The following WASHC3 variants were observed in gnomAD, a reference collection of about 807,000 sequenced individuals.
WASHC3 encodes WASH complex subunit 3, also known as WASH complex subunit CCDC53.
In WASHC3, 24 loss-of-function variants were observed where a neutral mutation model predicts 26.1. The observed-to-expected ratio is 0.92, with a 90% CI of 0.66 to 1.29. The LOEUF is 1.29. WASHC3 is among the 50% of genes most tolerant of loss of function. The pLI, the probability that WASHC3 is intolerant of heterozygous loss-of-function variation, is 0.00. For synonymous variants in WASHC3, 77 were observed against 75.7 expected (o/e 1.02, Z -0.09); for missense variants, 214 against 229.6 (o/e 0.93, Z 0.44).
intron 2 of WASHC3, chr12:102,050,668 T>A (rs1264509166): frequency 1.4e-5 from 6 of 428,822 alleles, no homozygotes; most frequent in South Asian, 3.4e-5. Flanking sequence ...GAAAAAAAAA[T>A]TATTAAACAA....
intron 6 of WASHC3, among the ~76,000 whole-genome samples, chr12:102,024,584 G>GA (rs1877095562): frequency 6.6e-6 from 1 of 152,196 alleles, no homozygotes; most frequent in African/African-American, 2.4e-5. Flanking sequence ...GACAGGGGAT[G>GA]AAATGAAGCC....
intron 1 of WASHC3, among the ~76,000 whole-genome samples, chr12:102,061,575 A>G (rs1878812119): frequency 6.6e-6 from 1 of 152,230 alleles, no homozygotes; most frequent in Admixed American, 6.5e-5. Flanking sequence ...GAATTTTGGC[A>G]GGCAAAAAGC....
intron 2 of WASHC3, among the ~76,000 whole-genome samples, chr12:102,049,738 G>A (rs2136681454): frequency 6.6e-6 from 1 of 152,246 alleles, no homozygotes; most frequent in South Asian, 2.1e-4. Context: ...TGTTGCGTGT[G>A]CCCCAGAAGC....
chr12:102,048,212 A>T (rs2136678913), intron 2 of WASHC3: 1 of 152,290 alleles, frequency 6.6e-6, no homozygotes, highest in South Asian at 2.1e-4. Context: ...GGATGAGAGA[A>T]AAAATTCTAC....
chr12:102,061,962 TCTC>T lies in WASHC3; in HGVS notation c.-3_-1del, dbSNP rs1349523491. On this transcript the variant is annotated 5_prime_UTR_variant, in exon 1 of 7. Coordinates refer to ENST00000240079, the MANE Select transcript of WASHC3 (RefSeq NM_016053.4). ...ATGAGAGGAAGCCCGTCCTCATCCA[TCTC>T]CTCAGCGGGCGGTGGACCCCGAGTT... 4 of 1,596,054 alleles carry T rather than the reference TCTC, an allele frequency of 2.5e-6. No individual in the cohort carries two copies. The highest frequency in any genetic ancestry group is 3.4e-6 in the Non-Finnish European group (4 of 1,170,380).
At chr12:102,020,467 G>T (rs1876905912) in intron 6 of WASHC3, among the ~76,000 whole-genome samples, 1 of 152,070 alleles carries the variant, frequency 6.6e-6, no homozygotes, top group African/African-American at 2.4e-5. Flanking sequence ...ATTATTGTTG[G>T]TTTAATTTGT....
chr12:102,047,419 G>C (rs922297398), intron 2 of WASHC3, among the ~76,000 whole-genome samples: 1 of 152,090 alleles, frequency 6.6e-6, no homozygotes, highest in Non-Finnish European at 1.5e-5. Flanking sequence ...TATCGACAAA[G>C]ACATAATCTA....
At chr12:102,057,644 A>G (rs1293175098) in intron 2 of WASHC3, among the ~76,000 whole-genome samples, 1 of 152,096 alleles carries the variant, frequency 6.6e-6, no homozygotes, top group East Asian at 1.9e-4. Flanking sequence ...CTGAAAAAAA[A>G]GAAAAAAAAT....
intron 5 of WASHC3, among the ~76,000 whole-genome samples, chr12:102,039,495 A>C (rs541870058): frequency 6.6e-6 from 1 of 152,250 alleles, no homozygotes; most frequent in East Asian, 1.9e-4. Context: ...ATAAACATAA[A>C]AATTTTTAAA....
At chr12:102,027,654 T>C (rs1477091537) in intron 5 of WASHC3, among the ~76,000 whole-genome samples, 1 of 152,124 alleles carries the variant, frequency 6.6e-6, no homozygotes, top group Admixed American at 6.6e-5. Context: ...CATAATCACT[T>C]ATTTTGGCTA....
chr12:102,059,429 G>A (rs567212966), intron 2 of WASHC3, among the ~76,000 whole-genome samples: 1 of 152,308 alleles, frequency 6.6e-6, no homozygotes, highest in South Asian at 2.1e-4. Flanking sequence ...AGAGTTCAAA[G>A]AAGTACTAGA....
upstream of WASHC3, chr12:102,062,019 C>A (rs1878836742): frequency 2.8e-6 from 4 of 1,447,000 alleles, no homozygotes; most frequent in African/African-American, 1.4e-5. Context: ...AGATGGGGCC[C>A]GCCCAACCCG....
intron 5 of WASHC3, among the ~76,000 whole-genome samples, chr12:102,027,113 A>T (rs1877228014): frequency 6.6e-6 from 1 of 152,328 alleles, no homozygotes; most frequent in Non-Finnish European, 1.5e-5. Flanking sequence ...ACATGTACAC[A>T]TTGAGGAATA....
chr12:102,048,574 A>G lies in WASHC3; in HGVS notation c.151-2455T>C, dbSNP rs150684635. On this transcript the variant is annotated intron_variant, in intron 2 of 6. Transcript: ENST00000240079. ...GTGAGACTCCGTCTCAAAAGAAAAA[A>G]AAAAGAAAAAGAAAAAAAATCACAG... Among the ~76,000 whole-genome samples the G allele has an allele frequency of 2.3e-3, 345 of 152,232 alleles. 3 individuals carry two copies. Among genetic ancestry groups the G allele is most frequent in the African/African-American group, 7.7e-3 (319 of 41,558 alleles).
At chr12:102,033,032 T>C (rs1426334826) in intron 5 of WASHC3, among the ~76,000 whole-genome samples, 1 of 152,142 alleles carries the variant, frequency 6.6e-6, no homozygotes, top group Non-Finnish European at 1.5e-5. Flanking sequence ...GGAGTTTATA[T>C]TGATTAAATA....
At chr12:102,050,024 G>A (rs1415735644) in intron 2 of WASHC3, among the ~76,000 whole-genome samples, 1 of 152,106 alleles carries the variant, frequency 6.6e-6, no homozygotes, top group Non-Finnish European at 1.5e-5. Context: ...CAGTATCTTA[G>A]GCATGTAATA....
In WASHC3 at chr12:102,059,053, A is replaced by T. The variant is rs371591695; in HGVS notation, c.150+2195T>A. Among the ~76,000 whole-genome samples, 28 of 152,236 alleles carry T rather than the reference A, an allele frequency of 1.8e-4. No individual in the cohort carries two copies. In the East Asian group the frequency reaches 4.4e-3, roughly 24 times the overall value. ...TGGTTAGCAGGGGCTTGGGGTTAAG[A>T]GGATTGGGGAGATGCGGTTAAAGGA... is the stretch of plus-strand genomic sequence containing the variant. On this transcript the variant is annotated intron_variant, in intron 2 of 6. Coordinates refer to ENST00000240079, the MANE Select transcript of WASHC3 (RefSeq NM_016053.4).
At chr12:102,062,063 G>C (rs1437460457), upstream of WASHC3, 3 of 970,782 alleles carry the variant, frequency 3.1e-6, no homozygotes, top group Non-Finnish European at 4.6e-6. Context: ...CCAAGTGCCC[G>C]CCTCCGGGGC....
chr12:102,054,812 C>A (rs1317980027), intron 2 of WASHC3, among the ~76,000 whole-genome samples: 1 of 151,630 alleles, frequency 6.6e-6, no homozygotes, highest in Non-Finnish European at 1.5e-5. Context: ...CCTAAACAAC[C>A]AATAGGTCAA....
Sources: allele counts gnomAD v4.1 joint callset (sites outside exome capture counted in the v4.1 genomes callset), GRCh38; gene constraint gnomAD v4.1.1; transcripts MANE v1.5; gene names NCBI Gene and HGNC (gene_info 2026-07-23, HGNC 2026-07-21).